SEC61A2: variants seen among roughly 807,000 people sequenced by gnomAD.
SEC61A2 encodes SEC61 translocon subunit alpha 2.
SEC61A2 carries 28 observed loss-of-function variants against 59.9 expected under a neutral mutation model. That is an observed-to-expected ratio of 0.47 (90% CI 0.35 to 0.64). SEC61A2 has a LOEUF of 0.64. Ranked by LOEUF, SEC61A2 falls within the 30% of genes least tolerant of loss-of-function variation. The pLI is 0.01. For synonymous variants in SEC61A2, 202 were observed against 214.4 expected (o/e 0.94, Z 0.50); for missense variants, 340 against 585.9 (o/e 0.58, Z 4.33).
rs980511536 is a variant in SEC61A2, at chr10:12,152,237, C to T, written c.462+2276C>T. Among the ~76,000 whole-genome samples, 11 of 152,134 alleles carry T rather than the reference C, an allele frequency of 7.2e-5. No homozygotes were observed. Among genetic ancestry groups the T allele is most frequent in the African/African-American group, 2.7e-4 (11 of 41,444 alleles). On this transcript the variant is annotated intron_variant, in intron 6 of 11. Coordinates refer to ENST00000298428, the MANE Select transcript of SEC61A2 (RefSeq NM_018144.4). The surrounding 1 kb of genome is among the most constrained non-coding windows in gnomAD (Gnocchi z 5.5). ...CTGGAATTACAGGGTCCTGCCACCA[C>T]GTCCAGCTAGTTGTGTATTTTTAGT...
chr10:12,135,207 TA>T (rs1833858312), intron 2 of SEC61A2, among the ~76,000 whole-genome samples: 1 of 152,038 alleles, frequency 6.6e-6, no homozygotes, highest in South Asian at 2.1e-4. Context: ...ATGCGGGGCT[TA>T]AAACCTAGAC....
chr10:12,135,591 T>G (rs867331500), intron 2 of SEC61A2, among the ~76,000 whole-genome samples: 1 of 152,190 alleles, frequency 6.6e-6, no homozygotes, highest in South Asian at 2.1e-4. Flanking sequence ...TTAAGTAATT[T>G]CTCATCATCC....
intron 8 of SEC61A2, 26 bp from the exon 9 acceptor site, chr10:12,157,882 C>A (rs76282519): frequency 1.1e-5 from 17 of 1,607,446 alleles, no homozygotes; most frequent in East Asian, 2.2e-5. Context: ...CTGGCTCCCC[C>A]ACTTACTCTC....
chr10:12,136,222 G>C, intron 3 of SEC61A2, 52 bp downstream of exon 3: 2 of 1,195,128 alleles, frequency 1.7e-6, no homozygotes, highest in Non-Finnish European at 2.5e-6. Flanking sequence ...CTAAGGTTTT[G>C]ATTGGTTAGA....
At chr10:12,131,056 C>G (rs1833722576) in intron 1 of SEC61A2, among the ~76,000 whole-genome samples, 4 of 152,080 alleles carry the variant, frequency 2.6e-5, no homozygotes, top group Admixed American at 2.6e-4. Flanking sequence ...GCCAGTCATC[C>G]CAGCTCCCCA....
At chr10:12,139,566 C>T (rs1256971996) in intron 3 of SEC61A2, among the ~76,000 whole-genome samples, 5 of 151,884 alleles carry the variant, frequency 3.3e-5, no homozygotes, top group Admixed American at 6.6e-5. Context: ...AGGCGGATCA[C>T]GAGGTCAGGA....
chr10:12,152,051 A>G lies in SEC61A2; in HGVS notation c.462+2090A>G, dbSNP rs1455533462. On this transcript the variant is annotated intron_variant, in intron 6 of 11. Coordinates refer to ENST00000298428, the MANE Select transcript of SEC61A2 (RefSeq NM_018144.4). This position sits in a 1 kb window ranked among gnomAD's most constrained non-coding sequence, Gnocchi z 5.5. ...TGTTAACAATAAACATGACTTTTCT[A>G]ATGAGATGGAACTGTTTTGTCATTT... is the stretch of plus-strand genomic sequence containing the variant. Among the ~76,000 whole-genome samples, 1 of 152,194 alleles carries G rather than the reference A, an allele frequency of 6.6e-6. No homozygotes were observed. The highest frequency in any genetic ancestry group is 2.4e-5 in the African/African-American group (1 of 41,446).
intron 11 of SEC61A2, among the ~76,000 whole-genome samples, chr10:12,163,915 T>C (rs1452959866): frequency 6.6e-6 from 1 of 152,188 alleles, no homozygotes; most frequent in East Asian, 1.9e-4. Flanking sequence ...GACATAAATT[T>C]GTTCATACCT....
At chr10:12,137,083 G>A (rs1833907002) in intron 3 of SEC61A2, among the ~76,000 whole-genome samples, 1 of 151,214 alleles carries the variant, frequency 6.6e-6, no homozygotes, top group African/African-American at 2.4e-5. Context: ...GCAATTTTTT[G>A]TTTTTAAATA....
In SEC61A2 at chr10:12,129,875, G is replaced by C. The variant is rs1324329390; in HGVS notation, c.7+81G>C. 4 of 1,240,932 alleles carry C rather than the reference G, an allele frequency of 3.2e-6. No homozygotes were observed. Among genetic ancestry groups the C allele is most frequent in the Non-Finnish European group, 3.1e-6 (3 of 966,526 alleles). 76.9% of individuals were successfully genotyped at this position (1,240,932 alleles called of 1,614,324 possible). A position where few individuals can be genotyped will look rare whatever the true frequency, so the allele number is the denominator to read the frequency against. ...GCTGCGGGCGGTGGGGCTGGCGCTC[G>C]CTCGGAGTCGTGGGGGCCAGGGATG... On this transcript the variant is annotated intron_variant, in intron 1 of 11. Coordinates refer to ENST00000298428, the MANE Select transcript of SEC61A2 (RefSeq NM_018144.4). This position sits in a 1 kb window ranked among gnomAD's most constrained non-coding sequence, Gnocchi z 5.6.
downstream of SEC61A2, chr10:12,167,587 T>C (rs1182148062): frequency 9.9e-7 from 1 of 1,010,184 alleles, no homozygotes; most frequent in Non-Finnish European, 1.5e-6. Flanking sequence ...GTTCTGTGCT[T>C]TTATTTTACG....
Position 12,161,781 on chromosome 10 carries a change from AAG to A in SEC61A2, c.1168-431_1168-430del, listed in dbSNP as rs1834533988. On this transcript the variant is annotated intron_variant, in intron 10 of 11. Coordinates refer to ENST00000298428, the MANE Select transcript of SEC61A2 (RefSeq NM_018144.4). This position sits in a 1 kb window ranked among gnomAD's most constrained non-coding sequence, Gnocchi z 5.4. ...ATAGATAAATAAAAAATTTTTAAAA[AAG>A]TAAAATAAAACTTTGTTTTTGGAAA... 6.6e-6 allele frequency among the ~76,000 whole-genome samples: 1 copy of A among 152,174 alleles called. No individual in the cohort carries two copies. Among genetic ancestry groups the A allele is most frequent in the South Asian group, 2.1e-4 (1 of 4,832 alleles).
chr10:12,137,811 G>C (rs1833922244), intron 3 of SEC61A2, among the ~76,000 whole-genome samples: 1 of 152,060 alleles, frequency 6.6e-6, no homozygotes, highest in African/African-American at 2.4e-5. Context: ...GTTGAGACCA[G>C]TCTGGTCAAC....
At chr10:12,133,514 CTG>C (rs1295188048) in intron 2 of SEC61A2, among the ~76,000 whole-genome samples, 1 of 152,170 alleles carries the variant, frequency 6.6e-6, no homozygotes, top group Non-Finnish European at 1.5e-5. Context: ...TCAAAAATGA[CTG>C]TTCTTTAAGT....
rs1170040528 is a variant in SEC61A2, at chr10:12,162,250, G to A, written c.1205G>A (p.Arg402Lys). 1 of 1,613,264 alleles carries A rather than the reference G, an allele frequency of 6.2e-7. No individual in the cohort carries two copies. Among genetic ancestry groups the A allele is most frequent in the East Asian group, 2.2e-5 (1 of 44,816 alleles). ...CTGAAAGAACAGCAGATGGTAATGAGGGGCCACCGAGATACCTCTATGGTT... is the reference window on the plus strand; with the variant it reads ...CTGAAAGAACAGCAGATGGTAATGAAGGGCCACCGAGATACCTCTATGGTT... ...KQLKEQQMVM[R>K]GHRDTSMVHE... Residue 402 changes from arginine (R) to lysine (K), a missense_variant, in exon 11 of 12, where the codon AGG (arginine) becomes AAG (lysine). By Grantham distance (26) the Arg-to-Lys change is conservative (BLOSUM62 2). This residue lies in a region of SEC61A2 where 283 missense variants were observed against 483.2 expected (regional missense o/e 0.59). Transcript: ENST00000298428. The surrounding 1 kb of genome is among the most constrained non-coding windows in gnomAD (Gnocchi z 6.1).
At chr10:12,140,070 G>C (rs1185874738) in intron 3 of SEC61A2, among the ~76,000 whole-genome samples, 1 of 152,088 alleles carries the variant, frequency 6.6e-6, no homozygotes, top group Non-Finnish European at 1.5e-5. Context: ...TTTTGTAGCA[G>C]AAGTAAAGAA....
At position 12,162,380 on chromosome 10, in the gene SEC61A2, A is replaced by G. The variant is rs1834551615; in HGVS notation, c.1244+91A>G. ...AATGTTTTTCTTTGTTCAAGTTCAT[A>G]TTTAAAACCCTTCTATTCACACAGA... On this transcript the variant is annotated intron_variant, in intron 11 of 11. Transcript: ENST00000298428. The surrounding 1 kb of genome is among the most constrained non-coding windows in gnomAD (Gnocchi z 6.1). 1.8e-6 allele frequency: 2 copies of G among 1,104,334 alleles called. No individual in the cohort carries two copies. The highest frequency in any genetic ancestry group is 3.1e-5 in the African/African-American group (2 of 64,958). The allele number at this position is 1,104,334 out of a possible 1,614,324, so 68.4% of individuals were successfully genotyped here.
Position 12,149,986 on chromosome 10 carries a change from G to A in SEC61A2, c.462+25G>A. The A allele has an allele frequency of 6.7e-7, 1 of 1,487,642 alleles. No homozygotes were observed. Among genetic ancestry groups the A allele is most frequent in the Non-Finnish European group, 9.4e-7 (1 of 1,066,116 alleles). 92.2% of individuals were successfully genotyped at this position (1,487,642 alleles called of 1,614,324 possible). A position where few individuals can be genotyped will look rare whatever the true frequency, so the allele number is the denominator to read the frequency against. On this transcript the variant is annotated intron_variant, in intron 6 of 11. Transcript: ENST00000298428. The surrounding 1 kb of genome is among the most constrained non-coding windows in gnomAD (Gnocchi z 5.2). ...GGTAAGAAATCCTATATTTTCCTAT[G>A]CAGATAACAAAACAGTTTGATTCCT...
In SEC61A2 at chr10:12,157,891, T is replaced by G; in HGVS notation, c.778-17T>G. 6.2e-7 allele frequency: 1 copy of G among 1,613,298 alleles called. No homozygotes were observed. The highest frequency in any genetic ancestry group is 8.5e-7 in the Non-Finnish European group (1 of 1,179,306). ...ATGTGTCTGGCTCCCCCACTTACTC[T>G]CCGTTTCCTTTTTTAGGGATTTCGC... is the stretch of plus-strand genomic sequence containing the variant. On this transcript the variant is annotated splice_polypyrimidine_tract_variant and intron_variant, in intron 8 of 11. Coordinates refer to ENST00000298428, the MANE Select transcript of SEC61A2 (RefSeq NM_018144.4).
Sources: allele counts gnomAD v4.1 joint callset (sites outside exome capture counted in the v4.1 genomes callset), GRCh38; gene constraint gnomAD v4.1.1; regional missense constraint gnomAD v4.1.1; non-coding constraint Gnocchi (gnomAD v3.1); transcripts MANE v1.5; gene names NCBI Gene and HGNC (gene_info 2026-07-23, HGNC 2026-07-21).